SDK1: variants seen among roughly 807,000 people sequenced by gnomAD.
SDK1 encodes the protein protein sidekick-1.
A neutral mutation model predicts 245.5 loss-of-function variants in SDK1; 157 were observed. The observed-to-expected ratio is 0.64, with a 90% CI of 0.56 to 0.73. The LOEUF (loss-of-function observed/expected upper bound fraction) is 0.73, where lower values mean the gene tolerates loss of function less well. Ranked by LOEUF, SDK1 falls within the 30% of genes least tolerant of loss-of-function variation. The pLI is 0.00. For missense variants in SDK1, 3,583 were observed against 3,002.3 expected (o/e 1.19, Z -4.52); for synonymous variants, 1,647 against 1,278.5 (o/e 1.29, Z -6.15).
At chr7:3,536,742 T>TATA in intron 1 of SDK1, among the ~76,000 whole-genome samples, 1 of 152,042 alleles carries the variant, frequency 6.6e-6, no homozygotes, top group African/African-American at 2.4e-5. Flanking sequence ...GAAAAGTGTC[T>TATA]GAAAGTAAAT....
rs187210171 is a variant in SDK1, at chr7:4,249,110, G to T, written c.6381+3305G>T. Among the ~76,000 whole-genome samples, 4 of 152,254 alleles carry T rather than the reference G, an allele frequency of 2.6e-5. No individual in the cohort carries two copies. The East Asian group carries it at 7.7e-4, about 29-fold the overall frequency. On this transcript the variant is annotated intron_variant, in intron 44 of 44. Transcript: ENST00000404826. ...AGGGAGGTGAGTGTGGGGAGGGAGGGAGGTGAGTGTGGGGATAGGGGAAGA... is the reference window on the plus strand; with the variant it reads ...AGGGAGGTGAGTGTGGGGAGGGAGGTAGGTGAGTGTGGGGATAGGGGAAGA...
intron 4 of SDK1, among the ~76,000 whole-genome samples, chr7:3,777,714 C>T (rs1465770163): frequency 2.0e-5 from 3 of 152,114 alleles, no homozygotes; most frequent in African/African-American, 7.2e-5. Flanking sequence ...CACCACACTG[C>T]CCATCTATAT....
chr7:3,973,673 C>T (rs978999555), intron 12 of SDK1, among the ~76,000 whole-genome samples: 3 of 151,816 alleles, frequency 2.0e-5, no homozygotes, highest in Non-Finnish European at 2.9e-5. Flanking sequence ...GGAGCATTTA[C>T]CGGGGCAGGA....
At chr7:3,547,298 A>T (rs1204223113) in intron 1 of SDK1, among the ~76,000 whole-genome samples, 1 of 152,216 alleles carries the variant, frequency 6.6e-6, no homozygotes, top group Non-Finnish European at 1.5e-5. Flanking sequence ...TCTGAATAAA[A>T]ATATGAACTA....
intron 1 of SDK1, among the ~76,000 whole-genome samples, chr7:3,617,910 T>C (rs1232999646): frequency 6.6e-6 from 1 of 152,140 alleles, no homozygotes; most frequent in Non-Finnish European, 1.5e-5. Context: ...GGCTTGGGTT[T>C]AAATGTGCAA....
chr7:4,059,907 T>C lies in SDK1; in HGVS notation c.2912-7931T>C, dbSNP rs931348036. Among the ~76,000 whole-genome samples, 45 of 145,660 alleles carry C rather than the reference T, an allele frequency of 3.1e-4. 1 individual carries two copies. Among genetic ancestry groups the C allele is most frequent in the African/African-American group, 1.0e-3 (41 of 39,252 alleles). ...TTTTTTTTTTTTTTTTGAGACGGAG[T>C]CTTGCTCTGTCGCCCAGGCTGGAGT... On this transcript the variant is annotated intron_variant, in intron 19 of 44. Coordinates refer to ENST00000404826, the MANE Select transcript of SDK1 (RefSeq NM_152744.4).
chr7:3,657,527 C>T (rs991629994), intron 4 of SDK1, among the ~76,000 whole-genome samples: 2 of 152,144 alleles, frequency 1.3e-5, no homozygotes, highest in African/African-American at 4.8e-5. Flanking sequence ...GGAAGAGGGA[C>T]TGTGAGAGCC....
chr7:4,081,832 G>C (rs1466259209), intron 22 of SDK1, among the ~76,000 whole-genome samples: 1 of 152,130 alleles, frequency 6.6e-6, no homozygotes, highest in East Asian at 1.9e-4. Context: ...AGATTTTGCT[G>C]CATCCATCCA....
At chr7:3,321,635 T>C (rs1468112577) in intron 1 of SDK1, among the ~76,000 whole-genome samples, 1 of 152,172 alleles carries the variant, frequency 6.6e-6, no homozygotes, top group Non-Finnish European at 1.5e-5. Flanking sequence ...CAAGTTTTTT[T>C]TTAAACCTAA....
chr7:4,051,674 A>G lies in SDK1; in HGVS notation c.2755A>G (p.Thr919Ala), dbSNP rs772939025. ...GCCGGCAGATGCCCCCGAGGCTGTC[A>G]CTGTGGTCACTATTGCCCCAGATTT... ...AWPADAPEAV[T>A]VVTIAPDFHG... The change falls in exon 19 of 45, where the codon ACT (threonine) becomes GCT (alanine). Residue 919 changes from threonine (T) to alanine (A), a missense_variant. Transcript: ENST00000404826. 8 of 1,613,098 alleles carry G rather than the reference A, an allele frequency of 5.0e-6. No individual in the cohort carries two copies. In the Admixed American group the frequency reaches 6.7e-5, roughly 13 times the overall value.
At chr7:4,142,881 G>C (rs1779670663) in intron 28 of SDK1, among the ~76,000 whole-genome samples, 1 of 152,236 alleles carries the variant, frequency 6.6e-6, no homozygotes, top group Admixed American at 6.5e-5. Context: ...AAGCCTAGAA[G>C]GTCTCCAAGA....
At chr7:3,859,829 A>G (rs1780645450) in intron 5 of SDK1, among the ~76,000 whole-genome samples, 2 of 152,174 alleles carry the variant, frequency 1.3e-5, no homozygotes, top group Non-Finnish European at 2.9e-5. Context: ...TATACATGCA[A>G]AATACAAAAC....
Position 4,149,293 on chromosome 7 carries a change from GC to G in SDK1, c.4459del (p.Gln1487ArgfsTer4). On this transcript the variant is annotated frameshift_variant, in exon 30 of 45. Transcript: ENST00000404826. LOFTEE classifies it high-confidence loss of function. Reference protein sequence around the residue: ...RPAPPRELLVPQAEVTARSLR... With the variant: ...RPAPPRELLVXQAEVTARSLR... ...CGGCACCCCCCAGAGAGCTCCTGGT[GC>G]CCCAGGCAGAAGTGACCGCACGCAG... The G allele has an allele frequency of 1.3e-6, 2 of 1,561,040 alleles. No homozygotes were observed. Among genetic ancestry groups the G allele is most frequent in the Non-Finnish European group, 1.7e-6 (2 of 1,153,394 alleles).
intron 4 of SDK1, among the ~76,000 whole-genome samples, chr7:3,650,003 T>C (rs1336016716): frequency 9.0e-6 from 1 of 111,532 alleles, no homozygotes; most frequent in Admixed American, 1.0e-4. Context: ...GAGGTTGCTA[T>C]TTTTTGTTTT....
At chr7:3,561,509 C>G (rs575121441) in intron 1 of SDK1, among the ~76,000 whole-genome samples, 36 of 152,220 alleles carry the variant, frequency 2.4e-4, no homozygotes, top group Non-Finnish European at 4.7e-4. Flanking sequence ...ACTGTTTTCC[C>G]TGTGGGTAGG....
rs969166207 is a variant in SDK1, at chr7:3,577,117, G to A, written c.299-41963G>A. On this transcript the variant is annotated intron_variant, in intron 1 of 44. Coordinates refer to ENST00000404826, the MANE Select transcript of SDK1 (RefSeq NM_152744.4). ...GAGCCTGGCCATACTGGAAGATTTC[G>A]CCTGCCTCTGGGCCCCATTCTAAAT... 9.6e-4 allele frequency among the ~76,000 whole-genome samples: 146 copies of A among 151,904 alleles called. 1 individual carries two copies. The highest frequency in any genetic ancestry group is 3.4e-3 in the African/African-American group (139 of 41,468).
intron 1 of SDK1, among the ~76,000 whole-genome samples, chr7:3,378,565 T>C (rs1781408350): frequency 6.6e-6 from 1 of 152,122 alleles, no homozygotes. Flanking sequence ...AGGCTGTGAC[T>C]CCAAAGCCTG....
rs115405389 is a variant in SDK1, at chr7:3,773,453, C to A, written c.714-47997C>A. Among the ~76,000 whole-genome samples, 745 of 152,178 alleles carry A rather than the reference C, an allele frequency of 4.9e-3. 5 individuals carry two copies. Among genetic ancestry groups the A allele is most frequent in the African/African-American group, 0.017 (720 of 41,534 alleles). On this transcript the variant is annotated intron_variant, in intron 4 of 44. Coordinates refer to ENST00000404826, the MANE Select transcript of SDK1 (RefSeq NM_152744.4). ...TCAAACGTTGTTTTCTTGGCTTTCT[C>A]CACATCTGCCTTTATTTCTTTGAGC...
intron 2 of SDK1, among the ~76,000 whole-genome samples, chr7:3,621,471 T>G (rs934294851): frequency 1.3e-5 from 2 of 152,220 alleles, no homozygotes; most frequent in African/African-American, 4.8e-5. Context: ...GAACCCAGAT[T>G]GTTCTTCCTA....
Sources: gnomAD v4.1 joint callset for allele counts (sites outside exome capture counted in the v4.1 genomes callset) on GRCh38, gnomAD v4.1.1 for gene constraint, MANE v1.5 for transcripts, NCBI Gene and HGNC (gene_info 2026-07-23, HGNC 2026-07-21) for gene names.